Variants in TBC1D12 observed in about 807,000 individuals in gnomAD.
TBC1D12 encodes the protein TBC1 domain family, member 12.
In TBC1D12, 56 loss-of-function variants were observed where a neutral mutation model predicts 86.7. The ratio of observed to expected loss-of-function variants is 0.65; its 90% CI spans 0.52 to 0.81. The LOEUF is 0.81. Among genes scored for constraint, TBC1D12 ranks in the 30% least tolerant of loss-of-function variants. The pLI is 0.00. For synonymous variants in TBC1D12, 421 were observed against 411.7 expected (o/e 1.02, Z -0.27); for missense variants, 1,023 against 1,038.8 (o/e 0.98, Z 0.21).
At chr10:94,425,482 C>T (rs769702626) in intron 1 of TBC1D12, among the ~76,000 whole-genome samples, 5 of 152,182 alleles carry the variant, frequency 3.3e-5, no homozygotes, top group African/African-American at 9.7e-5. Context: ...ATTAATTTCT[C>T]TGAAATTAGC....
At chr10:94,528,835 AAAG>A (rs1255638519) in intron 11 of TBC1D12, among the ~76,000 whole-genome samples, 1 of 106,634 alleles carries the variant, frequency 9.4e-6, no homozygotes, top group African/African-American at 3.8e-5. Flanking sequence ...AAAAAAAAAA[AAAG>A]AATTCACATG....
At chr10:94,507,703 G>A (rs2056477680) in intron 7 of TBC1D12, among the ~76,000 whole-genome samples, 1 of 152,074 alleles carries the variant, frequency 6.6e-6, no homozygotes, top group African/African-American at 2.4e-5. Context: ...AATAAATGGT[G>A]AGGCTGGGCG....
rs192930829 is a variant in TBC1D12 at position 94,492,736 on chromosome 10, A to G, written c.1212-629A>G. ...ATTAATCTGTAGTGATAGAAATCAAAGAAAGAATTTTGTGAGGGGTACCAC... is the reference window on the plus strand; with the variant it reads ...ATTAATCTGTAGTGATAGAAATCAAGGAAAGAATTTTGTGAGGGGTACCAC... On this transcript the variant is annotated intron_variant, in intron 3 of 12. Transcript: ENST00000225235. Among the ~76,000 whole-genome samples, 238 of 152,350 alleles carry G rather than the reference A, an allele frequency of 1.6e-3. 1 individual carries two copies. Among genetic ancestry groups the G allele is most frequent in the Non-Finnish European group, 2.7e-3 (186 of 68,034 alleles).
intron 6 of TBC1D12, among the ~76,000 whole-genome samples, chr10:94,504,881 CAAAGTATCATCTTTAAGCCTGCTTCA>C (rs1278657009): frequency 6.6e-6 from 1 of 152,106 alleles, no homozygotes; most frequent in Admixed American, 6.6e-5. Flanking sequence ...TGTTCAAGTC[CAAAGTATCATCTTTAAGCCTGCTTCA>C]AACTCTCCCT....
Position 94,514,397 on chromosome 10 carries a change from C to T in TBC1D12, c.1761+2743C>T, listed in dbSNP as rs541709664. ...AGTTACTCCTCCTTTCTAACTGGAG[C>T]TTTTTGTACTCTTTGATTATCGTCT... is the stretch of plus-strand genomic sequence containing the variant. On this transcript the variant is annotated intron_variant, in intron 9 of 12. Transcript: ENST00000225235. Among the ~76,000 whole-genome samples, 17 of 152,230 alleles carry T rather than the reference C, an allele frequency of 1.1e-4. No individual in the cohort carries two copies. In the East Asian group the frequency reaches 3.3e-3, roughly 29 times the overall value.
chr10:94,481,439 T>A (rs575427590), intron 3 of TBC1D12, among the ~76,000 whole-genome samples: 1 of 151,612 alleles, frequency 6.6e-6, no homozygotes, highest in Non-Finnish European at 1.5e-5. Flanking sequence ...CCATCAGCAC[T>A]TGCTGCTTCA....
intron 7 of TBC1D12, 66 bp downstream of exon 7, chr10:94,507,413 G>A (rs2056473307): frequency 1.2e-5 from 16 of 1,361,282 alleles, no homozygotes; most frequent in Non-Finnish European, 1.5e-5. Flanking sequence ...TGTATCAGAA[G>A]CTGTAGTAAT....
intron 2 of TBC1D12, among the ~76,000 whole-genome samples, chr10:94,460,502 A>T (rs570195947): frequency 6.0e-5 from 9 of 149,458 alleles, no homozygotes; most frequent in Non-Finnish European, 1.2e-4. Context: ...GCATGTTTTT[A>T]CCTCTGCTGC....
intron 5 of TBC1D12, among the ~76,000 whole-genome samples, chr10:94,498,071 G>A (rs1307863335): frequency 2.6e-5 from 4 of 151,922 alleles, no homozygotes; most frequent in East Asian, 1.9e-4. Flanking sequence ...TGCCTGCCTC[G>A]GCCTCCCCAA....
intron 4 of TBC1D12, among the ~76,000 whole-genome samples, chr10:94,495,086 C>A (rs1367536465): frequency 6.6e-6 from 1 of 151,486 alleles, no homozygotes; most frequent in African/African-American, 2.4e-5. Flanking sequence ...TGCAGTGGCG[C>A]AATCTCGGCT....
intron 3 of TBC1D12, among the ~76,000 whole-genome samples, chr10:94,490,714 T>G (rs372684968): frequency 1.5e-3 from 230 of 152,344 alleles, no homozygotes; most frequent in African/African-American, 5.2e-3. Flanking sequence ...TAATCTTTGT[T>G]GGAGTGGTTC....
chr10:94,531,403 G>A lies in TBC1D12; in HGVS notation c.2202G>A (p.Lys734=), dbSNP rs779821823. The A allele has an allele frequency of 1.3e-5, 21 of 1,613,950 alleles. No homozygotes were observed. In the South Asian group the frequency reaches 2.1e-4, roughly 16 times the overall value. The part of the protein sequence containing the change: ...TKLPEDITSE[K]LFSCIAAIQM... The stretch of plus-strand genomic sequence containing the variant: ...TGCCAGAAGATATCACATCGGAAAA[G>A]CTGTTCAGTTGTATTGCAGCCATTC... The change falls in exon 12 of 13, where the codon AAG becomes AAA. Residue 734 remains lysine, a synonymous_variant. Transcript: ENST00000225235.
intron 2 of TBC1D12, among the ~76,000 whole-genome samples, chr10:94,467,733 T>C (rs908037509): frequency 1.3e-5 from 2 of 152,220 alleles, no homozygotes; most frequent in African/African-American, 2.4e-5. Context: ...GATAGGGCAC[T>C]GACAGTTTTT....
chr10:94,429,845 C>T (rs545636828), intron 1 of TBC1D12, among the ~76,000 whole-genome samples: 2 of 152,062 alleles, frequency 1.3e-5, no homozygotes, highest in East Asian at 3.9e-4. Flanking sequence ...GTGATCCTCC[C>T]GCTTCAGCCT....
intron 1 of TBC1D12, among the ~76,000 whole-genome samples, chr10:94,440,547 A>G (rs2055365942): frequency 6.6e-6 from 1 of 152,046 alleles, no homozygotes; most frequent in Non-Finnish European, 1.5e-5. Flanking sequence ...TTAAAAACTT[A>G]TTTTCTATTA....
chr10:94,519,275 G>A (rs1351669752), intron 9 of TBC1D12, among the ~76,000 whole-genome samples: 1 of 152,120 alleles, frequency 6.6e-6, no homozygotes, highest in African/African-American at 2.4e-5. Flanking sequence ...TTTGCCCCTT[G>A]TATTCATTCA....
intron 9 of TBC1D12, among the ~76,000 whole-genome samples, chr10:94,518,610 A>C (rs1306932618): frequency 6.6e-6 from 1 of 152,222 alleles, no homozygotes; most frequent in African/African-American, 2.4e-5. Context: ...TACATAAACA[A>C]TGTATCTTTT....
intron 1 of TBC1D12, among the ~76,000 whole-genome samples, chr10:94,426,878 A>AT (rs1183181797): frequency 1.3e-5 from 2 of 151,866 alleles, no homozygotes; most frequent in Non-Finnish European, 2.9e-5. Context: ...AGGTGGCCTG[A>AT]TTTTTTTTAT....
intron 3 of TBC1D12, among the ~76,000 whole-genome samples, chr10:94,489,172 T>G (rs1328612052): frequency 1.3e-5 from 2 of 152,202 alleles, no homozygotes; most frequent in Non-Finnish European, 2.9e-5. Flanking sequence ...TTGCCGAAAC[T>G]CAAGTTTCAG....
Sources: allele counts gnomAD v4.1 joint callset (sites outside exome capture counted in the v4.1 genomes callset), GRCh38; gene constraint gnomAD v4.1.1; transcripts MANE v1.5; gene names NCBI Gene and HGNC (gene_info 2026-07-23, HGNC 2026-07-21).